Variants in BCL2L1 observed in about 807,000 individuals in gnomAD.
BCL2L1 encodes the protein bcl-2-like protein 1.
BCL2L1 carries 1 observed loss-of-function variant against 18.7 expected under a neutral mutation model. That is an observed-to-expected ratio of 0.05 (90% CI 0.02 to 0.25). The LOEUF is 0.25. BCL2L1 is among the 10% of genes least tolerant of loss of function. The pLI, the probability that BCL2L1 is intolerant of heterozygous loss-of-function variation, is 1.00. For synonymous variants in BCL2L1, 103 were observed against 122.7 expected (o/e 0.84, Z 1.06); for missense variants, 207 against 304.9 (o/e 0.68, Z 2.39).
intron 2 of BCL2L1, among the ~76,000 whole-genome samples, chr20:31,693,508 C>G (rs1004170802): frequency 1.5e-4 from 22 of 151,696 alleles, no homozygotes; most frequent in Non-Finnish European, 3.1e-4. Context: ...AGGGGGTACA[C>G]AGGGGGCTCT....
At chr20:31,671,374 C>A (rs1341224835) in intron 2 of BCL2L1, among the ~76,000 whole-genome samples, 1 of 152,086 alleles carries the variant, frequency 6.6e-6, no homozygotes, top group African/African-American at 2.4e-5. Context: ...TCCTGGCCAC[C>A]CACTTGGAAT....
chr20:31,723,436 CG>C, upstream of BCL2L1: 1 of 985,414 alleles, frequency 1.0e-6, no homozygotes, highest in Non-Finnish European at 1.2e-6. Flanking sequence ...GGCTTTCTGG[CG>C]CCCCCGGGAG....
At chr20:31,685,207 C>G (rs1188978222) in intron 2 of BCL2L1, among the ~76,000 whole-genome samples, 1 of 151,678 alleles carries the variant, frequency 6.6e-6, no homozygotes, top group African/African-American at 2.4e-5. Flanking sequence ...TCAAGACCAT[C>G]CTGGCTAACA....
chr20:31,706,168 T>C (rs577395360), intron 2 of BCL2L1, among the ~76,000 whole-genome samples: 2 of 152,230 alleles, frequency 1.3e-5, no homozygotes, highest in East Asian at 1.9e-4. Context: ...CATAGTACAC[T>C]GGATTTTATG....
chr20:31,694,132 C>G (rs987224061), intron 2 of BCL2L1, among the ~76,000 whole-genome samples: 1 of 152,132 alleles, frequency 6.6e-6, no homozygotes, highest in Non-Finnish European at 1.5e-5. Context: ...GGATCAAGCA[C>G]CACGCCCAGG....
intron 2 of BCL2L1, among the ~76,000 whole-genome samples, chr20:31,719,137 G>C (rs770654366): frequency 6.0e-5 from 9 of 151,010 alleles, no homozygotes; most frequent in Non-Finnish European, 1.2e-4. Flanking sequence ...TTCCATGAAG[G>C]AAGGTACCAT....
intron 2 of BCL2L1, among the ~76,000 whole-genome samples, chr20:31,707,645 G>A (rs990821202): frequency 2.6e-5 from 4 of 152,014 alleles, no homozygotes; most frequent in Non-Finnish European, 2.9e-5. Context: ...GGGCGTGGTG[G>A]CGCATGCCTG....
chr20:31,692,721 C>A (rs2061095780), intron 2 of BCL2L1, among the ~76,000 whole-genome samples: 1 of 151,928 alleles, frequency 6.6e-6, no homozygotes, highest in African/African-American at 2.4e-5. Flanking sequence ...CCAGCCTGGC[C>A]AAGATGGTGA....
intron 2 of BCL2L1, among the ~76,000 whole-genome samples, chr20:31,693,233 T>A (rs991255907): frequency 6.7e-5 from 10 of 148,510 alleles, no homozygotes; most frequent in Non-Finnish European, 1.3e-4. Flanking sequence ...TTTGAGAAGC[T>A]GAGGTAGGAG....
chr20:31,721,068 C>G (rs2061618790), intron 2 of BCL2L1: 3 of 732,308 alleles, frequency 4.1e-6, no homozygotes, highest in Non-Finnish European at 5.0e-6. Context: ...TACACTGCCC[C>G]AAAATCTGAC....
intron 2 of BCL2L1, among the ~76,000 whole-genome samples, chr20:31,718,185 G>C (rs986333162): frequency 1.3e-5 from 2 of 152,166 alleles, no homozygotes; most frequent in African/African-American, 4.8e-5. Context: ...CAGCCGAACA[G>C]GTTCAGCATT....
At chr20:31,678,682 A>G (rs148430878) in intron 2 of BCL2L1, among the ~76,000 whole-genome samples, 63 of 152,352 alleles carry the variant, frequency 4.1e-4, no homozygotes, top group African/African-American at 1.3e-3. Context: ...CAATAGGCAC[A>G]TCTATGACCA....
chr20:31,668,750 G>C (rs548328234), intron 2 of BCL2L1, among the ~76,000 whole-genome samples: 1 of 151,390 alleles, frequency 6.6e-6, no homozygotes, highest in Non-Finnish European at 1.5e-5. Flanking sequence ...GATTACAGGC[G>C]CGTGCCACCA....
At chr20:31,707,410 A>G (rs1349022767) in intron 2 of BCL2L1, among the ~76,000 whole-genome samples, 1 of 152,234 alleles carries the variant, frequency 6.6e-6, no homozygotes. Context: ...CTAAGTAATT[A>G]CTATATGCTG....
chr20:31,705,165 A>C (rs1158081406), intron 2 of BCL2L1, among the ~76,000 whole-genome samples: 2 of 152,136 alleles, frequency 1.3e-5, no homozygotes, highest in East Asian at 3.8e-4. Flanking sequence ...AACTTTCTTA[A>C]CTTCTCTATA....
chr20:31,705,710 T>C (rs2061360307), intron 2 of BCL2L1, among the ~76,000 whole-genome samples: 1 of 152,200 alleles, frequency 6.6e-6, no homozygotes, highest in South Asian at 2.1e-4. Context: ...CAGGCTTTGC[T>C]TGGGAGTCCC....
intron 2 of BCL2L1, among the ~76,000 whole-genome samples, chr20:31,695,531 ATCATAGC>A (rs1568876988): frequency 6.6e-6 from 1 of 152,300 alleles, no homozygotes; most frequent in Admixed American, 6.5e-5. Context: ...GAGGGACAGG[ATCATAGC>A]TCACTGCAGC....
chr20:31,706,520 A>G (rs768437032), intron 2 of BCL2L1, among the ~76,000 whole-genome samples: 1 of 152,246 alleles, frequency 6.6e-6, no homozygotes, highest in Non-Finnish European at 1.5e-5. Flanking sequence ...GCCCAGCAGT[A>G]GCTGTTAAGA....
rs191390850 is a variant in BCL2L1 at position 31,680,723 on chromosome 20, C to T, written c.565-14637G>A. 5.3e-5 allele frequency among the ~76,000 whole-genome samples: 8 copies of T among 152,212 alleles called. No individual in the cohort carries two copies. The East Asian group carries it at 5.8e-4, about 11-fold the overall frequency. ...ACTAAGAGTCAGGCACTGTACTAAG[C>T]GCTGGGGATAAAGCAGTGACTAAAT... On this transcript the variant is annotated intron_variant, in intron 2 of 2. Coordinates refer to ENST00000307677, the MANE Select transcript of BCL2L1 (RefSeq NM_138578.3).
Sources: gnomAD v4.1 joint callset for allele counts (sites outside exome capture counted in the v4.1 genomes callset) on GRCh38, gnomAD v4.1.1 for gene constraint, MANE v1.5 for transcripts, NCBI Gene and HGNC (gene_info 2026-07-23, HGNC 2026-07-21) for gene names.